CD59: variants seen among roughly 807,000 people sequenced by gnomAD.
The protein encoded by CD59 is CD59 molecule (CD59 blood group), also known as CD59 glycoprotein.
CD59 carries 3 observed loss-of-function variants against 7.0 expected under a neutral mutation model. That is an observed-to-expected ratio of 0.43 (90% CI 0.19 to 1.10). The LOEUF (loss-of-function observed/expected upper bound fraction) is 1.10. Among genes scored for constraint, CD59 ranks in the 50% least tolerant of loss-of-function variants. The probability of loss-of-function intolerance (pLI) is 0.29; values close to 1 mark genes in which losing one functional copy is unlikely to be tolerated. For missense variants in CD59, 143 were observed against 151.0 expected, an observed-to-expected ratio of 0.95 and a Z score of 0.28; for synonymous variants, 60 against 62.0, an observed-to-expected ratio of 0.97 and a Z score of 0.15.
intron 3 of CD59, 112 bp downstream of exon 3, chr11:33,717,258 A>C: frequency 1.4e-6 from 1 of 720,918 alleles, no homozygotes; most frequent in East Asian, 2.7e-5. Flanking sequence ...TGACGCTAAT[A>C]AATGGTAGCT....
At chr11:33,729,305 A>G (rs1397810234) in intron 1 of CD59, among the ~76,000 whole-genome samples, 1 of 152,220 alleles carries the variant, frequency 6.6e-6, no homozygotes, top group Admixed American at 6.5e-5. Context: ...GCACATATAC[A>G]CCATGGAATA....
chr11:33,718,002 A>C (rs1453277988), intron 2 of CD59: 2 of 183,084 alleles, frequency 1.1e-5, no homozygotes, highest in Admixed American at 1.1e-4. Flanking sequence ...ACCCCAATTA[A>C]GCAAATGGTT....
At chr11:33,721,014 T>C (rs1052189180) in intron 2 of CD59, among the ~76,000 whole-genome samples, 12 of 152,038 alleles carry the variant, frequency 7.9e-5, no homozygotes, top group Admixed American at 7.9e-4. Context: ...CATAAACAAA[T>C]GCAGACTGCT....
intron 3 of CD59, among the ~76,000 whole-genome samples, chr11:33,713,382 A>G (rs750638524): frequency 2.4e-4 from 36 of 152,240 alleles, no homozygotes; most frequent in Non-Finnish European, 4.9e-4. Context: ...AATTTACCCA[A>G]TTCCATGCAG....
chr11:33,730,678 T>C (rs1292890939), intron 1 of CD59, among the ~76,000 whole-genome samples: 1 of 152,202 alleles, frequency 6.6e-6, no homozygotes, highest in East Asian at 1.9e-4. Context: ...CTTTAAGAAA[T>C]TGCACATCAC....
chr11:33,713,445 C>A (rs1166903537), intron 3 of CD59, among the ~76,000 whole-genome samples: 3 of 152,194 alleles, frequency 2.0e-5, no homozygotes, highest in Non-Finnish European at 4.4e-5. Context: ...ACTGTCCTGT[C>A]CTCCTCCTCT....
At chr11:33,711,327 G>A in intron 3 of CD59, 2 of 683,062 alleles carry the variant, frequency 2.9e-6, no homozygotes, top group Admixed American at 2.2e-5. Flanking sequence ...TCATATGTAA[G>A]AGCATAGTAT....
chr11:33,703,794 G>A lies in CD59; in HGVS notation c.*6332C>T, dbSNP rs555361149. 6.6e-6 allele frequency: 1 copy of A among 152,344 alleles called. No individual in the cohort carries two copies. The highest frequency in any genetic ancestry group is 2.4e-5 in the African/African-American group (1 of 41,556). The allele number at this position is 152,344 out of a possible 1,614,324, so 9.4% of individuals were successfully genotyped here. On this transcript the variant is annotated 3_prime_UTR_variant, in exon 4 of 4. Coordinates refer to ENST00000642928, the MANE Select transcript of CD59 (RefSeq NM_000611.6). Reference sequence around the variant, plus strand: ...CATTGTTCCGCTGTCAGGAGGAGAGGGGCCAGAAGGGTCACACTGAAGAAA... The same window carrying A: ...CATTGTTCCGCTGTCAGGAGGAGAGAGGCCAGAAGGGTCACACTGAAGAAA...
intron 3 of CD59, chr11:33,711,441 C>A (rs995174970): frequency 1.3e-5 from 9 of 699,668 alleles, no homozygotes; most frequent in Non-Finnish European, 2.3e-5. Context: ...AATCCCAGCA[C>A]TTTAGGAGGC....
intron 1 of CD59, among the ~76,000 whole-genome samples, chr11:33,727,885 CAGAG>C (rs1161126094): frequency 2.6e-5 from 4 of 152,126 alleles, no homozygotes; most frequent in African/African-American, 4.8e-5. Flanking sequence ...AACAGACAAA[CAGAG>C]AGCCAAATCA....
chr11:33,722,883 C>T lies in CD59; in HGVS notation c.-18-420G>A, dbSNP rs548346237. 254 of 1,004,676 alleles carry T rather than the reference C, an allele frequency of 2.5e-4. 2 individuals are homozygous for T. In the Middle Eastern group the frequency reaches 3.6e-3, roughly 14 times the overall value. 62.2% of individuals were successfully genotyped at this position (1,004,676 alleles called of 1,614,324 possible). ...ACTCTGGAAGGCACCAGCATGCATT[C>T]AGCAGTGGAACAGGGAGCAATGGCT... On this transcript the variant is annotated intron_variant, in intron 1 of 3. Transcript: ENST00000642928.
intron 1 of CD59, among the ~76,000 whole-genome samples, chr11:33,731,258 C>T (rs1225905160): frequency 3.3e-5 from 5 of 151,466 alleles, no homozygotes; most frequent in Non-Finnish European, 7.4e-5. Context: ...ATATATATTA[C>T]ATATATACGT....
chr11:33,730,251 T>C (rs1247216820), intron 1 of CD59, among the ~76,000 whole-genome samples: 1 of 150,968 alleles, frequency 6.6e-6, no homozygotes, highest in African/African-American at 2.4e-5. Flanking sequence ...AAACCCCATC[T>C]CTACAAAAAA....
chr11:33,711,646 C>T (rs1289589703), intron 3 of CD59: 1 of 478,020 alleles, frequency 2.1e-6, no homozygotes, highest in African/African-American at 2.0e-5. Context: ...TGCTGCATTC[C>T]AGCCTAGGCA....
intron 2 of CD59, chr11:33,718,646 T>C (rs2133548579): frequency 6.6e-6 from 1 of 152,326 alleles, no homozygotes; most frequent in Non-Finnish European, 1.5e-5. Flanking sequence ...CCCATGGGCA[T>C]AGGACAGCTG....
chr11:33,722,973 T>C (rs1220447013), intron 1 of CD59: 1 of 1,039,588 alleles, frequency 9.6e-7, no homozygotes, highest in African/African-American at 1.7e-5. Context: ...GCTTGCTCTC[T>C]TTGGGGACAT....
intron 1 of CD59, among the ~76,000 whole-genome samples, chr11:33,724,712 G>T (rs1042900935): frequency 3.9e-5 from 6 of 152,160 alleles, no homozygotes; most frequent in Non-Finnish European, 7.3e-5. Flanking sequence ...GAGACCTCAG[G>T]CATCAAACCT....
chr11:33,728,117 T>C (rs558600679), intron 1 of CD59, among the ~76,000 whole-genome samples: 9 of 152,328 alleles, frequency 5.9e-5, no homozygotes, highest in African/African-American at 2.2e-4. Context: ...ATAGATTCAA[T>C]GCTATTCCCA....
chr11:33,716,577 G>A (rs1020249087), intron 3 of CD59, among the ~76,000 whole-genome samples: 1 of 152,192 alleles, frequency 6.6e-6, no homozygotes, highest in African/African-American at 2.4e-5. Context: ...CCACACCCCA[G>A]CAAGAACAGA....
Sources: gnomAD v4.1 joint callset for allele counts (sites outside exome capture counted in the v4.1 genomes callset) on GRCh38, gnomAD v4.1.1 for gene constraint, MANE v1.5 for transcripts, NCBI Gene and HGNC (gene_info 2026-07-23, HGNC 2026-07-21) for gene names.